The following ENPP2 variants were observed in gnomAD, a reference collection of about 807,000 sequenced individuals.
The protein encoded by ENPP2 is autotaxin.
Under a neutral mutation model 120.2 loss-of-function variants are expected in ENPP2, and 51 were observed. That is an observed-to-expected ratio of 0.42 (90% CI 0.34 to 0.54). The LOEUF (loss-of-function observed/expected upper bound fraction) is 0.54. ENPP2 is among the 20% of genes least tolerant of loss of function. The pLI is 0.04. For synonymous variants in ENPP2, 365 were observed against 366.4 expected (o/e 1.00, Z 0.04); for missense variants, 920 against 1,066.5 (o/e 0.86, Z 1.91).
chr8:119,558,945 G>A (rs991810392), intron 24 of ENPP2, among the ~76,000 whole-genome samples: 7 of 152,104 alleles, frequency 4.6e-5, no homozygotes, highest in Non-Finnish European at 1.0e-4. Flanking sequence ...ACCTGGACAG[G>A]GAACTGCAGC....
At chr8:119,590,731 T>TAAAA in intron 12 of ENPP2, 101 bp from the exon 13 acceptor site, 1 of 811,686 alleles carries the variant, frequency 1.2e-6, no homozygotes, top group Non-Finnish European at 1.8e-6. Context: ...AGTTAGTTTT[T>TAAAA]AGTAACTTAA....
upstream of ENPP2, among the ~76,000 whole-genome samples, chr8:119,640,139 A>G (rs1455976744): frequency 6.6e-6 from 1 of 152,218 alleles, no homozygotes; most frequent in African/African-American, 2.4e-5. Flanking sequence ...AGAATCTAGT[A>G]ATATCTAATT....
chr8:119,617,810 G>A (rs895875761), intron 5 of ENPP2, among the ~76,000 whole-genome samples: 2 of 152,078 alleles, frequency 1.3e-5, no homozygotes, highest in South Asian at 2.1e-4. Context: ...TCAGCTGCAC[G>A]TGGTGGCGGG....
At chr8:119,574,354 G>A in intron 19 of ENPP2, among the ~76,000 whole-genome samples, 1 of 151,346 alleles carries the variant, frequency 6.6e-6, no homozygotes, top group South Asian at 2.1e-4. Context: ...GCAAGCCTCT[G>A]CTTCTGCAAT....
intron 23 of ENPP2, among the ~76,000 whole-genome samples, chr8:119,563,356 T>C (rs755413291): frequency 6.6e-6 from 1 of 152,106 alleles, no homozygotes; most frequent in Non-Finnish European, 1.5e-5. Context: ...GGGTTCTGAG[T>C]GCCAGGATAT....
chr8:119,671,907 A>C (rs1190084256), intron 1 of ENPP2, among the ~76,000 whole-genome samples: 1 of 152,180 alleles, frequency 6.6e-6, no homozygotes, highest in African/African-American at 2.4e-5. Context: ...GTCAGAAGGA[A>C]GCCCGGGAAG....
chr8:119,627,754 C>T (rs1402735351), intron 2 of ENPP2, among the ~76,000 whole-genome samples: 6 of 151,682 alleles, frequency 4.0e-5, no homozygotes, highest in East Asian at 1.9e-4. Flanking sequence ...ATCAGCTACT[C>T]GGGAGGCTGA....
chr8:119,563,583 G>A (rs1393750617), intron 23 of ENPP2, among the ~76,000 whole-genome samples: 3 of 152,174 alleles, frequency 2.0e-5, no homozygotes, highest in African/African-American at 7.2e-5. Context: ...GCCAAAGGAA[G>A]TACTAAGGAC....
At chr8:119,558,086 C>T (rs1020547340) in intron 24 of ENPP2, among the ~76,000 whole-genome samples, 10 of 152,248 alleles carry the variant, frequency 6.6e-5, no homozygotes, top group African/African-American at 2.4e-4. Flanking sequence ...GAATATGCTT[C>T]TGCTTCCCAA....
At chr8:119,636,876 CA>C (rs897864957) in intron 2 of ENPP2, among the ~76,000 whole-genome samples, 13 of 151,954 alleles carry the variant, frequency 8.6e-5, no homozygotes, top group Non-Finnish European at 1.5e-4. Context: ...GTGACTTGCC[CA>C]ACACCACACA....
chr8:119,617,589 T>C (rs766922395), intron 5 of ENPP2, 26 bp from the exon 6 acceptor site: 109 of 1,482,104 alleles, frequency 7.4e-5, no homozygotes, highest in Middle Eastern at 1.7e-4. Context: ...ATTAAGCTTT[T>C]AGAAACATTA....
At chr8:119,578,951 T>C (rs1812536442) in intron 19 of ENPP2, among the ~76,000 whole-genome samples, 1 of 152,226 alleles carries the variant, frequency 6.6e-6, no homozygotes, top group Non-Finnish European at 1.5e-5. Context: ...AGAGCATATA[T>C]GATAAACAGA....
intron 17 of ENPP2, among the ~76,000 whole-genome samples, chr8:119,583,514 T>C (rs1235463603): frequency 2.6e-5 from 4 of 152,188 alleles, no homozygotes; most frequent in African/African-American, 9.6e-5. Context: ...AACGCCCCAT[T>C]AGTCAACTGT....
chr8:119,654,548 T>C (rs1817716878), intron 1 of ENPP2, among the ~76,000 whole-genome samples: 1 of 150,342 alleles, frequency 6.7e-6, no homozygotes, highest in Admixed American at 6.7e-5. Context: ...TCTTGCTATG[T>C]TGTCCAGACT....
upstream of ENPP2, among the ~76,000 whole-genome samples, chr8:119,639,645 G>T (rs1817206617): frequency 6.6e-6 from 1 of 152,072 alleles, no homozygotes; most frequent in Non-Finnish European, 1.5e-5. Context: ...CAGATGGGTG[G>T]GGGAAGGGGA....
At chr8:119,561,942 T>A (rs1051557045) in intron 24 of ENPP2, among the ~76,000 whole-genome samples, 1 of 151,336 alleles carries the variant, frequency 6.6e-6, no homozygotes, top group Non-Finnish European at 1.5e-5. Flanking sequence ...ATTGAGACCA[T>A]CCTGGCTAAC....
At chr8:119,654,711 G>C (rs986589216) in intron 1 of ENPP2, among the ~76,000 whole-genome samples, 1 of 151,930 alleles carries the variant, frequency 6.6e-6, no homozygotes, top group Non-Finnish European at 1.5e-5. Flanking sequence ...TCATGAAAGA[G>C]ATAATGAAAT....
At chr8:119,627,232 T>G (rs954377261) in intron 2 of ENPP2, among the ~76,000 whole-genome samples, 2 of 152,162 alleles carry the variant, frequency 1.3e-5, no homozygotes, top group African/African-American at 4.8e-5. Flanking sequence ...GAGATTGGAA[T>G]AGAAGACTTT....
chr8:119,563,658 C>A (rs562368067), intron 23 of ENPP2, among the ~76,000 whole-genome samples: 21 of 152,164 alleles, frequency 1.4e-4, no homozygotes, highest in Admixed American at 9.8e-4. Context: ...TACAGAAATT[C>A]ATAATTCCTT....
Sources: gnomAD v4.1 joint callset for allele counts (sites outside exome capture counted in the v4.1 genomes callset) on GRCh38, gnomAD v4.1.1 for gene constraint, MANE v1.5 for transcripts, NCBI Gene and HGNC (gene_info 2026-07-23, HGNC 2026-07-21) for gene names.